The following SLC26A5 variants were observed in gnomAD, a reference collection of about 807,000 sequenced individuals.
The protein encoded by SLC26A5 is prestin.
SLC26A5 carries 51 observed loss-of-function variants against 81.0 expected under a neutral mutation model. The observed-to-expected ratio is 0.63, with a 90% CI of 0.50 to 0.80. The LOEUF is 0.80. SLC26A5 is among the 30% of genes least tolerant of loss of function. SLC26A5 has a pLI of 0.00. For synonymous variants in SLC26A5, 325 were observed against 332.8 expected (o/e 0.98, Z 0.25); for missense variants, 771 against 905.8 (o/e 0.85, Z 1.91).
chr7:103,439,068 A>G (rs188302547), intron 2 of SLC26A5, among the ~76,000 whole-genome samples: 33 of 152,302 alleles, frequency 2.2e-4, no homozygotes, highest in Admixed American at 7.2e-4. Flanking sequence ...TAAGTTTATT[A>G]TGATTTATTT....
At chr7:103,379,100 A>C in intron 16 of SLC26A5, 143 bp downstream of exon 16, 2 of 660,796 alleles carry the variant, frequency 3.0e-6, no homozygotes, top group Non-Finnish European at 5.4e-6. Flanking sequence ...AGTATATTTT[A>C]TGTTATGTAT....
intron 19 of SLC26A5, chr7:103,362,429 A>G (rs1820464568): frequency 7.4e-7 from 1 of 1,356,748 alleles, no homozygotes; most frequent in Non-Finnish European, 9.4e-7. Flanking sequence ...AATACATAAC[A>G]ACTCACTTAG....
At chr7:103,443,377 C>A (rs979415732) in intron 1 of SLC26A5, among the ~76,000 whole-genome samples, 166 bp from the exon 2 acceptor site, 3 of 152,166 alleles carry the variant, frequency 2.0e-5, no homozygotes, top group African/African-American at 7.2e-5. Context: ...ATGCGATAGA[C>A]TAATTATATA....
chr7:103,364,981 A>ATATATATATATTTATT (rs950613120), intron 19 of SLC26A5, among the ~76,000 whole-genome samples: 26 of 140,784 alleles, frequency 1.8e-4, no homozygotes, highest in African/African-American at 6.3e-4. Context: ...ATATATATAT[A>ATATATATATATTTATT]TATTTAGAGA....
chr7:103,375,639 G>T (rs1361689486), intron 19 of SLC26A5, among the ~76,000 whole-genome samples: 1 of 152,042 alleles, frequency 6.6e-6, no homozygotes, highest in Non-Finnish European at 1.5e-5. Context: ...TCACTATGTT[G>T]CTTAGGCTGG....
At chr7:103,424,287 T>C (rs866162756) in intron 2 of SLC26A5, among the ~76,000 whole-genome samples, 2 of 152,182 alleles carry the variant, frequency 1.3e-5, no homozygotes, top group Middle Eastern at 3.2e-3. Flanking sequence ...GGCCTATGCA[T>C]GTTACTTGGT....
intron 14 of SLC26A5, among the ~76,000 whole-genome samples, chr7:103,385,931 C>CTTTTTTTTT (rs201817253): frequency 6.9e-6 from 1 of 144,496 alleles, no homozygotes; most frequent in African/African-American, 2.6e-5. Context: ...TTTTTTCTTT[C>CTTTTTTTTT]TTTCTTTTTT....
rs776995624 is a variant in SLC26A5, at chr7:103,392,887, T to C, written c.1119+32A>G. The C allele has an allele frequency of 8.1e-6, 13 of 1,613,744 alleles. No individual in the cohort carries two copies. In the South Asian group the frequency reaches 1.1e-4, roughly 14 times the overall value. On this transcript the variant is annotated intron_variant, in intron 10 of 19. Coordinates refer to ENST00000306312, the MANE Select transcript of SLC26A5 (RefSeq NM_198999.3). ...CCAGACATTGGTGATTGTACTGCTATGAAACATGTGCAGGAAACTGATTAT... is the reference window on the plus strand; with the variant it reads ...CCAGACATTGGTGATTGTACTGCTACGAAACATGTGCAGGAAACTGATTAT...
At chr7:103,356,501 C>T (rs1055892041) in intron 19 of SLC26A5, among the ~76,000 whole-genome samples, 9 of 152,098 alleles carry the variant, frequency 5.9e-5, no homozygotes, top group South Asian at 4.1e-4. Flanking sequence ...ATGTAAGATA[C>T]GCAGTTTTCA....
chr7:103,407,632 CAG>C lies in SLC26A5; in HGVS notation c.888+217_888+218del, dbSNP rs111663534. On this transcript the variant is annotated intron_variant, in intron 8 of 19. Coordinates refer to ENST00000306312, the MANE Select transcript of SLC26A5 (RefSeq NM_198999.3). Reference sequence around the variant, plus strand: ...TGTAATTAATGTTAAAATTTTCATGCAGAGTCTTACATATAATTTAAAAAATC... The same window carrying C: ...TGTAATTAATGTTAAAATTTTCATGCAGTCTTACATATAATTTAAAAAATC... Among the ~76,000 whole-genome samples the C allele has an allele frequency of 0.067, 10,170 of 152,180 alleles. 920 individuals are homozygous for C. The highest frequency in any genetic ancestry group is 0.21 in the African/African-American group (8,735 of 41,466).
chr7:103,405,527 A>C (rs1823974064), intron 8 of SLC26A5, among the ~76,000 whole-genome samples: 1 of 152,172 alleles, frequency 6.6e-6, no homozygotes, highest in African/African-American at 2.4e-5. Flanking sequence ...GCAGAACAGC[A>C]ATGATTGCTA....
intron 19 of SLC26A5, chr7:103,354,774 T>C: frequency 1.3e-6 from 1 of 755,070 alleles, no homozygotes; most frequent in South Asian, 1.6e-5. Context: ...TAATGATAGC[T>C]ATTGAAATTG....
chr7:103,362,517 T>C, intron 19 of SLC26A5: 2 of 1,405,698 alleles, frequency 1.4e-6, no homozygotes, highest in Non-Finnish European at 1.9e-6. Context: ...ATTAGACATG[T>C]AGTTTAGTAT....
chr7:103,400,837 T>G (rs1823531915), intron 8 of SLC26A5, among the ~76,000 whole-genome samples: 1 of 152,232 alleles, frequency 6.6e-6, no homozygotes, highest in Admixed American at 6.5e-5. Flanking sequence ...CCCATGCTTG[T>G]TTTTGCCAAG....
intron 19 of SLC26A5, among the ~76,000 whole-genome samples, chr7:103,354,158 TA>T (rs1302474405): frequency 1.3e-5 from 2 of 152,170 alleles, no homozygotes; most frequent in Non-Finnish European, 2.9e-5. Context: ...GTTACCTACC[TA>T]AAGTTTATAG....
At chr7:103,418,454 A>C (rs1753896642) in intron 4 of SLC26A5, among the ~76,000 whole-genome samples, 1 of 151,976 alleles carries the variant, frequency 6.6e-6, no homozygotes, top group South Asian at 2.1e-4. Context: ...TGTCAGTTTG[A>C]CTTCTGCTTC....
chr7:103,427,499 C>T (rs1324989889), intron 2 of SLC26A5, among the ~76,000 whole-genome samples: 1 of 152,142 alleles, frequency 6.6e-6, no homozygotes, highest in Non-Finnish European at 1.5e-5. Context: ...AAAACACAAA[C>T]CCTGTCTCCT....
intron 8 of SLC26A5, among the ~76,000 whole-genome samples, chr7:103,398,344 GTC>G (rs1175788806): frequency 6.6e-6 from 1 of 152,160 alleles, no homozygotes; most frequent in Non-Finnish European, 1.5e-5. Flanking sequence ...GGTGAAATGA[GTC>G]TCTGGCCACA....
At chr7:103,368,113 T>C (rs1334152455) in intron 19 of SLC26A5, 2 of 1,425,680 alleles carry the variant, frequency 1.4e-6, no homozygotes, top group Admixed American at 2.3e-5. Context: ...TATAGACTTG[T>C]TAATAACCAA....
Sources: gnomAD v4.1 joint callset for allele counts (sites outside exome capture counted in the v4.1 genomes callset) on GRCh38, gnomAD v4.1.1 for gene constraint, MANE v1.5 for transcripts, NCBI Gene and HGNC (gene_info 2026-07-23, HGNC 2026-07-21) for gene names.